Variants in PODXL observed in about 807,000 individuals in gnomAD.
PODXL encodes the protein podocalyxin like.
A neutral mutation model predicts 48.9 loss-of-function variants in PODXL; 20 were observed. The observed-to-expected ratio is 0.41, with a 90% CI of 0.29 to 0.59. The LOEUF (loss-of-function observed/expected upper bound fraction) is 0.59, where lower values mean the gene tolerates loss of function less well. PODXL is among the 20% of genes least tolerant of loss of function. The probability of loss-of-function intolerance (pLI) is 0.31; values close to 1 mark genes in which losing one functional copy is unlikely to be tolerated. For missense variants in PODXL, 606 were observed against 675.1 expected (o/e 0.90, Z 1.13); for synonymous variants, 295 against 287.4 (o/e 1.03, Z -0.27).
chr7:131,550,661 A>T (rs1458329599), intron 1 of PODXL, among the ~76,000 whole-genome samples: 2 of 152,148 alleles, frequency 1.3e-5, no homozygotes, highest in Non-Finnish European at 2.9e-5. Context: ...AAAATAAAAA[A>T]ATATATAAAG....
Position 131,502,594 on chromosome 7 carries a change from C to T in PODXL, c.*1717G>A, listed in dbSNP as rs974893760. The T allele has an allele frequency of 2.0e-5, 3 of 152,178 alleles. No individual in the cohort carries two copies. Among genetic ancestry groups the T allele is most frequent in the Non-Finnish European group, 4.4e-5 (3 of 68,046 alleles). 9.4% of individuals were successfully genotyped at this position (152,178 alleles called of 1,614,324 possible). On this transcript the variant is annotated 3_prime_UTR_variant, in exon 9 of 9. Transcript: ENST00000378555. ...CAGCCGGAGCCTGACTCTTAAGACC[C>T]TGGAGGTGTGGCGTTTCACCCGAAA...
At chr7:131,552,445 AG>A (rs1436206098) in intron 1 of PODXL, among the ~76,000 whole-genome samples, 1 of 152,122 alleles carries the variant, frequency 6.6e-6, no homozygotes, top group Non-Finnish European at 1.5e-5. Context: ...AGCTTTCCAC[AG>A]GGCAGTGGTG....
chr7:131,534,522 C>T (rs987550757), intron 1 of PODXL, among the ~76,000 whole-genome samples: 1 of 152,142 alleles, frequency 6.6e-6, no homozygotes, highest in Admixed American at 6.5e-5. Context: ...ACAGGGGTGG[C>T]CGGCGGGGGT....
intron 1 of PODXL, among the ~76,000 whole-genome samples, chr7:131,518,952 G>A (rs939389507): frequency 5.9e-4 from 89 of 152,114 alleles, no homozygotes; most frequent in African/African-American, 2.1e-3. Context: ...TCACACTCCA[G>A]ACCTATCCCT....
chr7:131,539,846 C>T (rs969768289), intron 1 of PODXL, among the ~76,000 whole-genome samples: 2 of 152,176 alleles, frequency 1.3e-5, no homozygotes, highest in Admixed American at 1.3e-4. Flanking sequence ...TGCTGCCTCA[C>T]TCACATGCTG....
chr7:131,507,045 G>A (rs987996763), intron 5 of PODXL: 1 of 294,072 alleles, frequency 3.4e-6, no homozygotes, highest in African/African-American at 2.1e-5. Flanking sequence ...GCGGATTGGG[G>A]GTTGTTTTCA....
chr7:131,506,856 A>G, intron 5 of PODXL, 130 bp from the exon 6 acceptor site: 1 of 925,882 alleles, frequency 1.1e-6, no homozygotes, highest in Non-Finnish European at 1.7e-6. Context: ...CTCTAGCCCC[A>G]GCTGGTGCTC....
chr7:131,532,751 C>T (rs1040562797), intron 1 of PODXL, among the ~76,000 whole-genome samples: 2 of 152,096 alleles, frequency 1.3e-5, no homozygotes, highest in Non-Finnish European at 2.9e-5. Flanking sequence ...TCTTAGGAGG[C>T]GGTGCCTTGG....
intron 1 of PODXL, among the ~76,000 whole-genome samples, chr7:131,547,359 A>T (rs2116864948): frequency 8.4e-6 from 1 of 119,062 alleles, no homozygotes; most frequent in East Asian, 2.5e-4. Context: ...GACAAACAAG[A>T]GTGAAACTCC....
rs1386425997 is a variant in PODXL, at chr7:131,501,324, C to G, written c.*2987G>C. On this transcript the variant is annotated 3_prime_UTR_variant, in exon 9 of 9. Coordinates refer to ENST00000378555, the MANE Select transcript of PODXL (RefSeq NM_001018111.3). ...CTTAAAGCAGTGCAGGGTAGGTTAA[C>G]ATGGTCACTGTATTTACATTATCAA... 3 of 152,546 alleles carry G rather than the reference C, an allele frequency of 2.0e-5. No individual in the cohort carries two copies. The highest frequency in any genetic ancestry group is 7.2e-5 in the African/African-American group (3 of 41,426). 9.4% of individuals were successfully genotyped at this position (152,546 alleles called of 1,614,324 possible).
At chr7:131,518,446 G>A (rs765922582) in intron 1 of PODXL, among the ~76,000 whole-genome samples, 1 of 152,250 alleles carries the variant, frequency 6.6e-6, no homozygotes, top group Admixed American at 6.5e-5. Context: ...TACCATCATC[G>A]AGCATCAGTT....
At chr7:131,517,277 A>G (rs2116805273) in intron 1 of PODXL, among the ~76,000 whole-genome samples, 1 of 152,326 alleles carries the variant, frequency 6.6e-6, no homozygotes, top group Admixed American at 6.5e-5. Flanking sequence ...GTGGGCAGCA[A>G]GACCAGCGTA....
intron 1 of PODXL, among the ~76,000 whole-genome samples, chr7:131,547,364 A>T (rs1729924074): frequency 9.2e-6 from 1 of 108,832 alleles, no homozygotes; most frequent in Admixed American, 1.3e-4. Context: ...ACAAGAGTGA[A>T]ACTCCGTCTC....
At chr7:131,517,874 G>A (rs1798026995) in intron 1 of PODXL, among the ~76,000 whole-genome samples, 1 of 152,026 alleles carries the variant, frequency 6.6e-6, no homozygotes, top group African/African-American at 2.4e-5. Context: ...AAGTACCTGG[G>A]ACCACAGGTA....
intron 1 of PODXL, among the ~76,000 whole-genome samples, chr7:131,522,138 G>GC (rs1798102306): frequency 6.6e-6 from 1 of 152,200 alleles, no homozygotes; most frequent in African/African-American, 2.4e-5. Context: ...CACAAGGCCA[G>GC]CAAGTGTGAA....
intron 1 of PODXL, among the ~76,000 whole-genome samples, chr7:131,546,857 T>C (rs1798585280): frequency 6.6e-6 from 1 of 152,024 alleles, no homozygotes; most frequent in Non-Finnish European, 1.5e-5. Context: ...TCTCAGTGGC[T>C]TCTTAGCTAA....
In PODXL at chr7:131,510,844, C is replaced by G; in HGVS notation, c.690G>C (p.Gly230=). The change falls in exon 2 of 9, where the codon GGG becomes GGC. Residue 230 remains glycine (G), a synonymous_variant. Transcript: ENST00000378555. ...AIPGYTFTSP[G]MTTTLLETVF... is the part of the protein sequence containing the mutation. ...ATTACTTACGTAGGGTGGTGGTCAT[C>G]CCCGGGCTTGTGAAGGTGTAGCCAG... is the stretch of plus-strand genomic sequence containing the variant. 1 of 1,614,088 alleles carries G rather than the reference C, an allele frequency of 6.2e-7. No individual in the cohort carries two copies.
chr7:131,544,542 G>A (rs985488483), intron 1 of PODXL, among the ~76,000 whole-genome samples: 1 of 152,192 alleles, frequency 6.6e-6, no homozygotes, highest in Non-Finnish European at 1.5e-5. Context: ...AGGATGAGAA[G>A]CAACTTTTTG....
In PODXL at chr7:131,510,328, T is replaced by C. The variant is rs1797887775; in HGVS notation, c.710A>G (p.Glu237Gly). 2 of 178,984 alleles carry C rather than the reference T, an allele frequency of 1.1e-5. No individual in the cohort carries two copies. Among genetic ancestry groups the C allele is most frequent in the East Asian group, 2.1e-4 (1 of 4,854 alleles). The allele number at this position is 178,984 out of a possible 1,614,324, so 11.1% of individuals were successfully genotyped here. A position where few individuals can be genotyped will look rare whatever the true frequency, so the allele number is the denominator to read the frequency against. ...CTGGCTGACATGGTGAAACACTGTC[T>C]CTACTTGAAAAAAAAAAAAAAAAAA... ...TSPGMTTTLL[E>G]TVFHHVSQAG... The change falls in exon 3 of 9, where the codon GAG (glutamate) becomes GGG (glycine). Residue 237 changes from glutamate (E) to glycine (G), a missense_variant. Coordinates refer to ENST00000378555, the MANE Select transcript of PODXL (RefSeq NM_001018111.3).
Sources: allele counts gnomAD v4.1 joint callset (sites outside exome capture counted in the v4.1 genomes callset), GRCh38; gene constraint gnomAD v4.1.1; transcripts MANE v1.5; gene names NCBI Gene and HGNC (gene_info 2026-07-23, HGNC 2026-07-21).